Variants in CDH12 observed in about 807,000 individuals in gnomAD.
The protein encoded by CDH12 is cadherin-12.
Under a neutral mutation model 74.1 loss-of-function variants are expected in CDH12, and 41 were observed. The ratio of observed to expected loss-of-function variants is 0.55; its 90% CI spans 0.43 to 0.72. CDH12 has a LOEUF of 0.72. Ranked by LOEUF, CDH12 falls within the 30% of genes least tolerant of loss-of-function variation. CDH12 has a pLI of 0.00. For missense variants in CDH12, 945 were observed against 977.2 expected (o/e 0.97, Z 0.44); for synonymous variants, 399 against 355.0 (o/e 1.12, Z -1.39).
intron 3 of CDH12, among the ~76,000 whole-genome samples, chr5:22,327,298 TA>T (rs569918881): frequency 6.6e-6 from 1 of 152,058 alleles, no homozygotes; most frequent in Non-Finnish European, 1.5e-5. Context: ...ATTTTTATTA[TA>T]AAAAAATAAA....
chr5:22,769,230 C>T (rs1746683713), intron 1 of CDH12, among the ~76,000 whole-genome samples: 1 of 152,112 alleles, frequency 6.6e-6, no homozygotes, highest in South Asian at 2.1e-4. Context: ...GAAAGACCCA[C>T]CCTTAATGTG....
chr5:21,861,039 C>G (rs1751017583), intron 6 of CDH12, among the ~76,000 whole-genome samples: 2 of 151,992 alleles, frequency 1.3e-5, no homozygotes, highest in African/African-American at 2.4e-5. Flanking sequence ...AGAGGCAGCT[C>G]TGGGTGAAAA....
chr5:22,702,042 A>G (rs1212833213), intron 1 of CDH12, among the ~76,000 whole-genome samples: 1 of 152,178 alleles, frequency 6.6e-6, no homozygotes, highest in Admixed American at 6.5e-5. Flanking sequence ...CTTGACAACT[A>G]TAATTGTTGT....
At chr5:22,762,910 A>C (rs1031271027) in intron 1 of CDH12, among the ~76,000 whole-genome samples, 1 of 151,998 alleles carries the variant, frequency 6.6e-6, no homozygotes, top group African/African-American at 2.4e-5. Context: ...TGAACTTTAC[A>C]TACTTCCAAG....
intron 1 of CDH12, among the ~76,000 whole-genome samples, chr5:22,649,491 G>T (rs184983753): frequency 6.2e-4 from 95 of 152,128 alleles, no homozygotes; most frequent in African/African-American, 2.0e-3. Context: ...AAGAAGAGAA[G>T]AGGACAGCAG....
Position 21,998,807 on chromosome 5 carries a change from T to C in CDH12, c.232-23422A>G, listed in dbSNP as rs535081021. Among the ~76,000 whole-genome samples, 6 of 152,254 alleles carry C rather than the reference T, an allele frequency of 3.9e-5. No individual in the cohort carries two copies. The East Asian group carries it at 1.2e-3, about 29-fold the overall frequency. ...AGCTGTTCTACCCTTCATTGCATGA[T>C]AGACAGTACCCTAGGCTCTGTCTTT... On this transcript the variant is annotated intron_variant, in intron 5 of 14. Coordinates refer to ENST00000382254, the MANE Select transcript of CDH12 (RefSeq NM_004061.5).
chr5:22,289,526 A>T (rs536251852), intron 3 of CDH12, among the ~76,000 whole-genome samples: 1 of 152,360 alleles, frequency 6.6e-6, no homozygotes, highest in Admixed American at 6.5e-5. Context: ...AAAACCAGGA[A>T]TCTTCAGCAA....
At chr5:22,041,597 C>T (rs901182762) in intron 5 of CDH12, among the ~76,000 whole-genome samples, 6 of 151,998 alleles carry the variant, frequency 3.9e-5, no homozygotes, top group African/African-American at 1.4e-4. Flanking sequence ...TAATAAATGG[C>T]ACAACTTACC....
intron 1 of CDH12, among the ~76,000 whole-genome samples, chr5:22,575,370 A>G (rs1192726099): frequency 1.3e-5 from 2 of 151,598 alleles, no homozygotes; most frequent in Non-Finnish European, 2.9e-5. Flanking sequence ...TATAAGCAAA[A>G]TTGCTATGCA....
At chr5:21,896,784 G>A (rs182421736) in intron 6 of CDH12, among the ~76,000 whole-genome samples, 59 of 152,286 alleles carry the variant, frequency 3.9e-4, no homozygotes, top group Non-Finnish European at 7.5e-4. Context: ...TCAGAAAAAT[G>A]AGACTATAGA....
chr5:22,675,423 C>A (rs1741114143), intron 1 of CDH12, among the ~76,000 whole-genome samples: 1 of 152,168 alleles, frequency 6.6e-6, no homozygotes. Flanking sequence ...CCTGAATGCC[C>A]AAGAAGACAT....
chr5:22,510,986 C>T (rs972372723), intron 1 of CDH12, among the ~76,000 whole-genome samples: 1 of 151,914 alleles, frequency 6.6e-6, no homozygotes, highest in Non-Finnish European at 1.5e-5. Context: ...CCTCCACCTC[C>T]TGGGTTCAAG....
At chr5:22,162,603 T>C (rs1442003048) in intron 4 of CDH12, among the ~76,000 whole-genome samples, 1 of 152,042 alleles carries the variant, frequency 6.6e-6, no homozygotes, top group Non-Finnish European at 1.5e-5. Context: ...CCAGTGTAAG[T>C]TTTCCCTGGT....
intron 3 of CDH12, chr5:22,278,012 A>C (rs1736717503): frequency 6.6e-6 from 1 of 152,268 alleles, no homozygotes; most frequent in African/African-American, 2.4e-5. Context: ...AAGGGTTGGC[A>C]TGTGGCAGAC....
chr5:22,535,338 A>G (rs1394426584), intron 1 of CDH12, among the ~76,000 whole-genome samples: 3 of 151,444 alleles, frequency 2.0e-5, no homozygotes, highest in African/African-American at 7.3e-5. Flanking sequence ...TTGTATTTTT[A>G]GTAGAGACGG....
intron 1 of CDH12, among the ~76,000 whole-genome samples, chr5:22,752,544 T>C (rs1208836188): frequency 2.2e-5 from 2 of 92,800 alleles, no homozygotes; most frequent in African/African-American, 8.3e-5. Flanking sequence ...ATAGGATACT[T>C]CTTTTTTTTT....
chr5:21,760,695 A>C lies in CDH12; in HGVS notation c.1516-20T>G. ...AATTATCTGCAACAGAGTTGAGATT[A>C]AAGTCGGTCATCAGTTTCAAAGAGG... On this transcript the variant is annotated intron_variant, in intron 12 of 14. Coordinates refer to ENST00000382254, the MANE Select transcript of CDH12 (RefSeq NM_004061.5). 1.4e-6 allele frequency: 2 copies of C among 1,407,286 alleles called. No individual in the cohort carries two copies. Among genetic ancestry groups the C allele is most frequent in the Non-Finnish European group, 2.0e-6 (2 of 991,938 alleles). The allele number at this position is 1,407,286 out of a possible 1,614,324, so 87.2% of individuals were successfully genotyped here.
chr5:22,286,025 G>C (rs1737117299), intron 3 of CDH12, among the ~76,000 whole-genome samples: 1 of 151,794 alleles, frequency 6.6e-6, no homozygotes, highest in South Asian at 2.1e-4. Context: ...TAATTCATAA[G>C]TGGTCTTACA....
intron 6 of CDH12, among the ~76,000 whole-genome samples, chr5:21,939,216 C>CTATA (rs893665373): frequency 6.9e-6 from 1 of 144,328 alleles, no homozygotes; most frequent in Non-Finnish European, 1.5e-5. Context: ...ATCATACCTT[C>CTATA]TATATATATA....
Sources: allele counts gnomAD v4.1 joint callset (sites outside exome capture counted in the v4.1 genomes callset), GRCh38; gene constraint gnomAD v4.1.1; transcripts MANE v1.5; gene names NCBI Gene and HGNC (gene_info 2026-07-23, HGNC 2026-07-21).